Variants in DEPTOR observed in about 807,000 individuals in gnomAD.
The protein encoded by DEPTOR is DEP domain containing MTOR interacting protein, also known as DEP domain-containing mTOR-interacting protein.
In DEPTOR, 41 loss-of-function variants were observed where a neutral mutation model predicts 41.6. That is an observed-to-expected ratio of 0.98 (90% CI 0.77 to 1.28). The LOEUF (loss-of-function observed/expected upper bound fraction) is 1.28. DEPTOR is among the 50% of genes most tolerant of loss of function. The pLI is 0.00. For synonymous variants in DEPTOR, 195 were observed against 192.3 expected (o/e 1.01, Z -0.12); for missense variants, 514 against 527.9 (o/e 0.97, Z 0.26).
intron 6 of DEPTOR, among the ~76,000 whole-genome samples, chr8:120,003,817 C>T (rs538375421): frequency 1.3e-5 from 2 of 152,298 alleles, no homozygotes; most frequent in Non-Finnish European, 2.9e-5. Flanking sequence ...AATCCTTCCT[C>T]CACCCAATCA....
intron 1 of DEPTOR, among the ~76,000 whole-genome samples, chr8:119,884,348 G>A (rs1248039391): frequency 6.6e-6 from 1 of 152,152 alleles, no homozygotes; most frequent in African/African-American, 2.4e-5. Context: ...ATGAGCCACT[G>A]CACCTGGCCG....
intron 1 of DEPTOR, among the ~76,000 whole-genome samples, chr8:119,884,524 G>GC: frequency 6.6e-6 from 1 of 151,316 alleles, no homozygotes; most frequent in South Asian, 2.1e-4. Flanking sequence ...CAACCAATAT[G>GC]AGAAAAGGCA....
intron 8 of DEPTOR, among the ~76,000 whole-genome samples, chr8:120,029,404 T>C (rs1047805848): frequency 6.6e-6 from 1 of 152,182 alleles, no homozygotes; most frequent in Non-Finnish European, 1.5e-5. Context: ...TATTTATTTA[T>C]TTATTTATTG....
chr8:120,015,896 C>A (rs1374662799), intron 8 of DEPTOR, among the ~76,000 whole-genome samples: 1 of 152,094 alleles, frequency 6.6e-6, no homozygotes, highest in Non-Finnish European at 1.5e-5. Flanking sequence ...ATGCAGGGCA[C>A]CCTGATGTTC....
chr8:119,886,428 G>A (rs1827364251), intron 1 of DEPTOR, among the ~76,000 whole-genome samples: 1 of 151,686 alleles, frequency 6.6e-6, no homozygotes, highest in South Asian at 2.1e-4. Context: ...ACAAGCCAAG[G>A]GGGCATCTCC....
chr8:119,938,944 GCTCTCTCT>G (rs139892847), intron 3 of DEPTOR, among the ~76,000 whole-genome samples: 11 of 126,026 alleles, frequency 8.7e-5, no homozygotes, highest in Non-Finnish European at 1.5e-4. Flanking sequence ...GTTCCTTCTT[GCTCTCTCT>G]CTCTCTCTCT....
intron 8 of DEPTOR, among the ~76,000 whole-genome samples, chr8:120,044,961 A>G (rs1813132670): frequency 6.6e-6 from 1 of 152,228 alleles, no homozygotes; most frequent in African/African-American, 2.4e-5. Flanking sequence ...TTGCAAAACC[A>G]CAATTGCTTT....
chr8:119,928,472 C>T lies in DEPTOR; in HGVS notation c.195C>T (p.Val65=), dbSNP rs189004640. Residue 65 remains valine (V), a synonymous_variant, in exon 2 of 9, where the codon GTC becomes GTT. Coordinates refer to ENST00000286234, the MANE Select transcript of DEPTOR (RefSeq NM_022783.4). ...TCAAGACCTACCCAAACTGTTTTGT[C>T]GCAAAAGAACTGATTGACTGGCTGA... is the stretch of plus-strand genomic sequence containing the variant. ...HHLKTYPNCF[V]AKELIDWLIE... is the part of the protein sequence containing the mutation. 1.4e-5 allele frequency: 23 copies of T among 1,614,140 alleles called. No homozygotes were observed. The highest frequency in any genetic ancestry group is 6.6e-5 in the South Asian group (6 of 91,082).
At chr8:119,997,025 T>C (rs1406762527) in intron 4 of DEPTOR, among the ~76,000 whole-genome samples, 1 of 152,182 alleles carries the variant, frequency 6.6e-6, no homozygotes, top group Non-Finnish European at 1.5e-5. Flanking sequence ...TATCAAAGTG[T>C]GATTGACTTA....
intron 1 of DEPTOR, among the ~76,000 whole-genome samples, chr8:119,911,100 A>G (rs1409626973): frequency 6.6e-6 from 1 of 152,146 alleles, no homozygotes; most frequent in Non-Finnish European, 1.5e-5. Flanking sequence ...GAGCACCTTC[A>G]GTGTTGGCTG....
At chr8:119,954,745 C>T (rs57612030) in intron 3 of DEPTOR, among the ~76,000 whole-genome samples, 4,868 of 152,084 alleles carry the variant, frequency 0.032, 82 homozygotes, top group African/African-American at 0.038. Context: ...TAGGTTAATA[C>T]GGGTCTGGGA....
chr8:119,979,160 T>C (rs536428190), intron 4 of DEPTOR, among the ~76,000 whole-genome samples: 99 of 152,108 alleles, frequency 6.5e-4, no homozygotes, highest in Non-Finnish European at 1.3e-3. Flanking sequence ...ATTGGAAAAA[T>C]ATGTGTGTTG....
At chr8:119,910,515 C>T (rs530210310) in intron 1 of DEPTOR, among the ~76,000 whole-genome samples, 8 of 151,762 alleles carry the variant, frequency 5.3e-5, no homozygotes, top group African/African-American at 1.5e-4. Flanking sequence ...TGCAATGGCA[C>T]GATCTCGGCT....
intron 3 of DEPTOR, among the ~76,000 whole-genome samples, chr8:119,933,559 A>C (rs1828073405): frequency 6.6e-6 from 1 of 151,266 alleles, no homozygotes; most frequent in South Asian, 2.1e-4. Flanking sequence ...ATTTTACCTA[A>C]GCTTCTTTTT....
chr8:119,981,547 C>T (rs1047718971), intron 4 of DEPTOR, among the ~76,000 whole-genome samples: 8 of 150,422 alleles, frequency 5.3e-5, no homozygotes, highest in African/African-American at 1.7e-4. Flanking sequence ...GTTCCAACTA[C>T]TAAGGAAGCT....
intron 8 of DEPTOR, among the ~76,000 whole-genome samples, chr8:120,031,033 T>C (rs1812883059): frequency 6.6e-6 from 1 of 152,154 alleles, no homozygotes; most frequent in South Asian, 2.1e-4. Context: ...AAATAAAGTT[T>C]ACTTTAAAAA....
chr8:119,897,504 G>A (rs1394575682), intron 1 of DEPTOR, among the ~76,000 whole-genome samples: 1 of 152,192 alleles, frequency 6.6e-6, no homozygotes, highest in Admixed American at 6.5e-5. Flanking sequence ...TTGCACTCCA[G>A]CCTGGTTGAC....
At chr8:119,944,599 C>T (rs1828247076) in intron 3 of DEPTOR, among the ~76,000 whole-genome samples, 1 of 151,446 alleles carries the variant, frequency 6.6e-6, no homozygotes, top group Non-Finnish European at 1.5e-5. Context: ...GCATATGCCC[C>T]ATAAATGTTC....
chr8:119,919,642 G>T (rs190206093), intron 1 of DEPTOR, among the ~76,000 whole-genome samples: 2 of 152,210 alleles, frequency 1.3e-5, no homozygotes, highest in East Asian at 3.9e-4. Context: ...GACAGATATT[G>T]GCTGTTGCAG....
Sources: allele counts gnomAD v4.1 joint callset (sites outside exome capture counted in the v4.1 genomes callset), GRCh38; gene constraint gnomAD v4.1.1; transcripts MANE v1.5; gene names NCBI Gene and HGNC (gene_info 2026-07-23, HGNC 2026-07-21).